The following SHC3 variants were observed in gnomAD, a reference collection of about 807,000 sequenced individuals.
SHC3 encodes SHC adaptor protein 3.
SHC3 carries 15 observed loss-of-function variants against 60.4 expected under a neutral mutation model. That is an observed-to-expected ratio of 0.25 (90% CI 0.17 to 0.38). The LOEUF is 0.38. Among genes scored for constraint, SHC3 ranks in the 10% least tolerant of loss-of-function variants. SHC3 has a pLI of 1.00. For missense variants in SHC3, 677 were observed against 786.1 expected, an observed-to-expected ratio of 0.86 and a Z score of 1.66; for synonymous variants, 294 against 325.9, an observed-to-expected ratio of 0.90 and a Z score of 1.05.
At chr9:89,015,024 G>T (rs1197133596) in intron 11 of SHC3, among the ~76,000 whole-genome samples, 3 of 152,194 alleles carry the variant, frequency 2.0e-5, no homozygotes, top group African/African-American at 7.2e-5. Flanking sequence ...TCTCCTGATT[G>T]TTGGGCACTA....
chr9:89,065,428 C>T (rs1825162552), intron 6 of SHC3, 101 bp downstream of exon 6: 1 of 1,217,152 alleles, frequency 8.2e-7, no homozygotes, highest in Non-Finnish European at 1.2e-6. Context: ...TGGCACTACT[C>T]ATTTGTTGGG....
intron 2 of SHC3, among the ~76,000 whole-genome samples, chr9:89,110,619 G>A (rs948438778): frequency 2.0e-5 from 3 of 152,142 alleles, no homozygotes; most frequent in Admixed American, 6.5e-5. Context: ...CCAGCTATTA[G>A]CTAAAGTAAG....
At chr9:89,058,463 G>A (rs575904072) in intron 6 of SHC3, among the ~76,000 whole-genome samples, 1 of 148,830 alleles carries the variant, frequency 6.7e-6, no homozygotes, top group African/African-American at 2.5e-5. Context: ...GTGGAGGATG[G>A]TGGTGGAGGA....
rs148911493 is a variant in SHC3 at position 89,083,401 on chromosome 9, A to G, written c.546-5498T>C. ...AGGACAGTGGACGTGCAGGAGCGCC[A>G]GCTGGCTGGGGCCAGGTGTACAGAA... On this transcript the variant is annotated intron_variant, in intron 2 of 11. Coordinates refer to ENST00000375835, the MANE Select transcript of SHC3 (RefSeq NM_016848.6). 3.8e-3 allele frequency among the ~76,000 whole-genome samples: 579 copies of G among 152,344 alleles called. 4 individuals carry two copies. The highest frequency in any genetic ancestry group is 0.013 in the African/African-American group (550 of 41,582).
At chr9:89,059,968 G>A (rs1040802984) in intron 6 of SHC3, among the ~76,000 whole-genome samples, 3 of 149,150 alleles carry the variant, frequency 2.0e-5, no homozygotes, top group Admixed American at 6.7e-5. Context: ...AGTGGAGGAC[G>A]ATGGTGGAGG....
chr9:89,091,945 TAAGTG>T (rs985886261), intron 2 of SHC3, among the ~76,000 whole-genome samples: 1 of 152,064 alleles, frequency 6.6e-6, no homozygotes, highest in African/African-American at 2.4e-5. Context: ...AAAAAATGGG[TAAGTG>T]AAGTGAACAG....
At chr9:89,023,607 C>T (rs551371982) in intron 11 of SHC3, among the ~76,000 whole-genome samples, 1 of 152,294 alleles carries the variant, frequency 6.6e-6, no homozygotes, top group South Asian at 2.1e-4. Context: ...TCTATTCTTA[C>T]ATACTTTCCA....
At chr9:89,160,429 TC>T (rs980620877) in intron 1 of SHC3, among the ~76,000 whole-genome samples, 3 of 152,154 alleles carry the variant, frequency 2.0e-5, no homozygotes, top group African/African-American at 7.2e-5. Flanking sequence ...AGATTTTTTT[TC>T]CCCGTTCAAC....
rs557984869 is a variant in SHC3 at position 89,123,088 on chromosome 9, C to G, written c.475-10462G>C. ...GGTGTTACGAATTAGGAGTTTGAAG[C>G]TTTTCCCTATTGCACATGCATGGGC... On this transcript the variant is annotated intron_variant, in intron 1 of 11. Coordinates refer to ENST00000375835, the MANE Select transcript of SHC3 (RefSeq NM_016848.6). 7.6e-4 allele frequency among the ~76,000 whole-genome samples: 115 copies of G among 152,260 alleles called. 1 individual carries two copies. Among genetic ancestry groups the G allele is most frequent in the Non-Finnish European group, 2.2e-4 (15 of 68,032 alleles).
chr9:89,100,538 T>A (rs1308880205), intron 2 of SHC3, among the ~76,000 whole-genome samples: 3 of 152,082 alleles, frequency 2.0e-5, no homozygotes, highest in Non-Finnish European at 4.4e-5. Flanking sequence ...TTCTATGAAT[T>A]TTGAAAAACC....
intron 6 of SHC3, among the ~76,000 whole-genome samples, chr9:89,059,117 A>AC (rs1825013367): frequency 7.5e-6 from 1 of 133,724 alleles, no homozygotes. Context: ...GTGGTGGAGG[A>AC]TGTGGTGGAG....
intron 1 of SHC3, among the ~76,000 whole-genome samples, chr9:89,134,553 T>C (rs1320612577): frequency 2.0e-5 from 3 of 152,096 alleles, no homozygotes; most frequent in African/African-American, 7.2e-5. Context: ...CTAATAATTA[T>C]AGTTGTTATG....
At chr9:89,132,338 G>A (rs1343256552) in intron 1 of SHC3, among the ~76,000 whole-genome samples, 1 of 152,094 alleles carries the variant, frequency 6.6e-6, no homozygotes, top group Non-Finnish European at 1.5e-5. Flanking sequence ...TACTGCCCAA[G>A]GTAATTTATA....
chr9:89,018,211 G>T (rs1219685486), intron 11 of SHC3, among the ~76,000 whole-genome samples: 3 of 152,138 alleles, frequency 2.0e-5, no homozygotes, highest in Non-Finnish European at 4.4e-5. Context: ...TTGCAGCACT[G>T]TTCACATTAG....
intron 10 of SHC3, among the ~76,000 whole-genome samples, chr9:89,040,252 AAATTAC>A (rs1824665585): frequency 2.7e-3 from 3 of 1,124 alleles, no homozygotes; most frequent in Non-Finnish European, 1.9e-3. Flanking sequence ...ACCACCATCA[AAATTAC>A]CATCAGCAGC....
At chr9:89,120,841 GA>G (rs1487555399) in intron 1 of SHC3, among the ~76,000 whole-genome samples, 1 of 149,774 alleles carries the variant, frequency 6.7e-6, no homozygotes, top group Non-Finnish European at 1.5e-5. Context: ...TACAATTCCG[GA>G]AAAAATTAAT....
At chr9:89,088,172 T>C (rs367641908) in intron 2 of SHC3, among the ~76,000 whole-genome samples, 131 of 152,328 alleles carry the variant, frequency 8.6e-4, no homozygotes, top group African/African-American at 3.0e-3. Flanking sequence ...ACTAAGAACC[T>C]TGGTTTCCAC....
intron 1 of SHC3, among the ~76,000 whole-genome samples, chr9:89,172,229 T>C (rs894904676): frequency 6.6e-6 from 1 of 152,168 alleles, no homozygotes; most frequent in Non-Finnish European, 1.5e-5. Flanking sequence ...GCCACTCTGC[T>C]TATTTATAAC....
chr9:89,139,473 C>G (rs896712821), intron 1 of SHC3, among the ~76,000 whole-genome samples: 2 of 152,212 alleles, frequency 1.3e-5, no homozygotes, highest in Non-Finnish European at 2.9e-5. Flanking sequence ...TTGTGAAACT[C>G]TGTTCCATAG....
Sources: gnomAD v4.1 joint callset for allele counts (sites outside exome capture counted in the v4.1 genomes callset) on GRCh38, gnomAD v4.1.1 for gene constraint, MANE v1.5 for transcripts, NCBI Gene and HGNC (gene_info 2026-07-23, HGNC 2026-07-21) for gene names.